Variants in CD244 observed in about 807,000 individuals in gnomAD.
CD244 encodes the protein CD244 molecule, also known as natural killer cell receptor 2B4.
CD244 carries 20 observed loss-of-function variants against 45.5 expected under a neutral mutation model. That is an observed-to-expected ratio of 0.44 (90% CI 0.31 to 0.64). CD244 has a LOEUF of 0.64. CD244 is among the 30% of genes least tolerant of loss of function. The pLI is 0.08. For synonymous variants in CD244, 185 were observed against 160.5 expected (o/e 1.15, Z -1.15); for missense variants, 407 against 426.9 (o/e 0.95, Z 0.41).
chr1:160,858,843 A>G (rs543213738), intron 1 of CD244, among the ~76,000 whole-genome samples: 40 of 152,302 alleles, frequency 2.6e-4, no homozygotes, highest in African/African-American at 9.6e-4. Flanking sequence ...GAATGGGAAC[A>G]GAGAGGGGGC....
chr1:160,832,445 G>T, intron 8 of CD244, 74 bp downstream of exon 8: 2 of 876,606 alleles, frequency 2.3e-6, no homozygotes, highest in Non-Finnish European at 3.6e-6. Context: ...CTTTTCCTAA[G>T]TGTACCCTTT....
At chr1:160,855,482 C>T (rs983862074) in intron 1 of CD244, among the ~76,000 whole-genome samples, 1 of 152,198 alleles carries the variant, frequency 6.6e-6, no homozygotes, top group African/African-American at 2.4e-5. Flanking sequence ...GGCAAGTAGA[C>T]AAGTCACTAT....
chr1:160,860,050 T>G (rs975493577), intron 1 of CD244, among the ~76,000 whole-genome samples: 2 of 146,608 alleles, frequency 1.4e-5, no homozygotes, highest in African/African-American at 5.1e-5. Context: ...CCACCAAAAA[T>G]ACAAAAATTA....
intron 7 of CD244, 159 bp from the exon 8 acceptor site, chr1:160,832,734 A>C: frequency 6.9e-7 from 1 of 1,440,470 alleles, no homozygotes. Context: ...GAGCAAAACA[A>C]TGGTGTTTAT....
At chr1:160,847,530 A>G (rs1669777511) in intron 1 of CD244, among the ~76,000 whole-genome samples, 1 of 152,202 alleles carries the variant, frequency 6.6e-6, no homozygotes, top group Non-Finnish European at 1.5e-5. Context: ...AATTAAACAA[A>G]AAATCAATAA....
Position 160,846,449 on chromosome 1 carries a change from T to C in CD244, c.62-4548A>G, listed in dbSNP as rs1669743469. 2.6e-5 allele frequency among the ~76,000 whole-genome samples: 4 copies of C among 152,170 alleles called. No individual in the cohort carries two copies. In the South Asian group the frequency reaches 8.3e-4, roughly 32 times the overall value. The stretch of plus-strand genomic sequence containing the variant: ...TGGGAGGCTGAAGCAGGTGAATCAG[T>C]TGAGGTCGGGAGTTGGAGACCAGGC... On this transcript the variant is annotated intron_variant, in intron 1 of 8. Coordinates refer to ENST00000368034, the MANE Select transcript of CD244 (RefSeq NM_016382.4).
intron 1 of CD244, chr1:160,848,199 A>G: frequency 1.9e-6 from 1 of 530,900 alleles, no homozygotes; most frequent in South Asian, 1.4e-5. Context: ...ATGTGCCAGG[A>G]TGTTGACATC....
At chr1:160,837,619 A>G (rs3766378) in intron 5 of CD244, among the ~76,000 whole-genome samples, 113,054 of 152,186 alleles carry the variant, frequency 0.74, 42,565 homozygotes, top group Middle Eastern at 0.83. Flanking sequence ...TGTGGCCAGC[A>G]CGGAAGAGCC....
intron 5 of CD244, among the ~76,000 whole-genome samples, chr1:160,836,918 AG>A (rs1284627173): frequency 6.6e-6 from 1 of 152,246 alleles, no homozygotes; most frequent in Non-Finnish European, 1.5e-5. Flanking sequence ...CCTGGAAGCA[AG>A]AAGAAGCTAA....
intron 1 of CD244, among the ~76,000 whole-genome samples, chr1:160,852,825 C>G (rs969405274): frequency 4.5e-4 from 68 of 151,998 alleles, no homozygotes. Context: ...GAGTTTGAGA[C>G]CAGCCTGGCC....
intron 7 of CD244, among the ~76,000 whole-genome samples, chr1:160,833,379 T>C (rs535706200): frequency 2.6e-5 from 4 of 152,264 alleles, no homozygotes; most frequent in East Asian, 3.9e-4. Flanking sequence ...CATACTACCA[T>C]GTTAAGGCTT....
At position 160,838,511 on chromosome 1, in the gene CD244, A is replaced by C. The variant is rs1222747544; in HGVS notation, c.774T>G (p.Ser258Arg). The change falls in exon 5 of 9, where the codon AGT becomes AGG. Residue 258 changes from serine to arginine, a missense_variant. Transcript: ENST00000368034. ...CGTAAATTGTCAAAAATTCCTTGGG[A>C]CTGGTCTCTGAGGGAGGAAGAAAAC... ...RKRKEKQSET[S>R]PKEFLTIYED... 3.1e-6 allele frequency: 5 copies of C among 1,612,326 alleles called. No individual in the cohort carries two copies. Among genetic ancestry groups the C allele is most frequent in the African/African-American group, 1.3e-5 (1 of 74,868 alleles).
intron 4 of CD244, 135 bp from the exon 5 acceptor site, chr1:160,838,653 C>T: frequency 1.4e-6 from 1 of 694,676 alleles, no homozygotes; most frequent in Non-Finnish European, 2.6e-6. Context: ...TAATGCTCTT[C>T]CCAGGAACCC....
chr1:160,838,794 C>A, intron 4 of CD244, 145 bp downstream of exon 4: 1 of 637,134 alleles, frequency 1.6e-6, no homozygotes. Flanking sequence ...CCTGCTTGCC[C>A]CCCGCCACCA....
In CD244 at chr1:160,848,475, T is replaced by A. The variant is rs575526016; in HGVS notation, c.62-6574A>T. On this transcript the variant is annotated intron_variant, in intron 1 of 8. Coordinates refer to ENST00000368034, the MANE Select transcript of CD244 (RefSeq NM_016382.4). ...AGGAATGGCAAGACCAGCAAGAAGA[T>A]CACCATTGCTGAGTGTAGACAACTC... 2.0e-4 allele frequency: 106 copies of A among 542,442 alleles called. 2 individuals are homozygous for A. The highest frequency in any genetic ancestry group is 1.5e-3 in the South Asian group (103 of 70,844). The allele number at this position is 542,442 out of a possible 1,614,324, so 33.6% of individuals were successfully genotyped here.
chr1:160,859,687 G>A (rs1226397924), intron 1 of CD244, among the ~76,000 whole-genome samples: 3 of 150,390 alleles, frequency 2.0e-5, no homozygotes, highest in African/African-American at 7.4e-5. Context: ...CAGGTGGATC[G>A]CCTGAGCCCG....
At chr1:160,845,105 C>T (rs749689940) in intron 1 of CD244, among the ~76,000 whole-genome samples, 1 of 152,174 alleles carries the variant, frequency 6.6e-6, no homozygotes. Flanking sequence ...AAATTGCCAA[C>T]TAGCAGAATC....
Position 160,862,817 on chromosome 1 carries a change from A to T in CD244, c.-140T>A. On this transcript the variant is annotated 5_prime_UTR_variant, in exon 1 of 9. In the 5' UTR this introduces an upstream ATG that the reference lacks. Coordinates refer to ENST00000368034, the MANE Select transcript of CD244 (RefSeq NM_016382.4). ...AACCTGTCCAGCCACAGTTTCCTCA[A>T]TTAGAGGCTGTTAACGCCTGCTGTG... 3 of 646,970 alleles carry T rather than the reference A, an allele frequency of 4.6e-6. No individual in the cohort carries two copies. Among genetic ancestry groups the T allele is most frequent in the Non-Finnish European group, 7.9e-6 (3 of 381,848 alleles). 40.1% of individuals were successfully genotyped at this position (646,970 alleles called of 1,614,324 possible).
rs1571092525 is a variant in CD244 at position 160,838,436 on chromosome 1, T to C, written c.834+15A>G. 1 of 1,600,684 alleles carries C rather than the reference T, an allele frequency of 6.2e-7. No individual in the cohort carries two copies. The highest frequency in any genetic ancestry group is 8.6e-7 in the Non-Finnish European group (1 of 1,167,774). ...AAGCCAGCTGAGAGAGACCCCAGCC[T>C]CCGGGATGACATACGTGATTTCTCC... On this transcript the variant is annotated intron_variant, in intron 5 of 8. Coordinates refer to ENST00000368034, the MANE Select transcript of CD244 (RefSeq NM_016382.4).
Sources: gnomAD v4.1 joint callset for allele counts (sites outside exome capture counted in the v4.1 genomes callset) on GRCh38, gnomAD v4.1.1 for gene constraint, MANE v1.5 for transcripts, NCBI Gene and HGNC (gene_info 2026-07-23, HGNC 2026-07-21) for gene names.